The following CDH26 variants were observed in gnomAD, a reference collection of about 807,000 sequenced individuals.
CDH26 encodes cadherin-like protein 26.
A neutral mutation model predicts 90.3 loss-of-function variants in CDH26; 83 were observed. The observed-to-expected ratio is 0.92, with a 90% confidence interval of 0.77 to 1.10. The LOEUF is 1.10. Ranked by LOEUF, CDH26 falls within the 50% of genes least tolerant of loss-of-function variation. The pLI, the probability that CDH26 is intolerant of heterozygous loss-of-function variation, is 0.00. For synonymous variants in CDH26, 397 were observed against 396.3 expected, an observed-to-expected ratio of 1.00 and a Z score of -0.02; for missense variants, 1,013 against 1,037.6, an observed-to-expected ratio of 0.98 and a Z score of 0.33.
At chr20:59,985,203 C>T in intron 7 of CDH26, 74 bp downstream of exon 7, 2 of 1,563,346 alleles carry the variant, frequency 1.3e-6, no homozygotes, top group African/African-American at 1.4e-5. Context: ...CAGTTTTTCT[C>T]AGAGAGGGTG....
chr20:59,981,356 G>A (rs2061393219), intron 4 of CDH26, among the ~76,000 whole-genome samples: 1 of 152,144 alleles, frequency 6.6e-6, no homozygotes, highest in Admixed American at 6.5e-5. Flanking sequence ...GAGTCTTTCA[G>A]TCTGTAAACA....
intron 1 of CDH26, among the ~76,000 whole-genome samples, chr20:59,959,483 C>A (rs1317436405): frequency 6.6e-6 from 1 of 151,776 alleles, no homozygotes; most frequent in Non-Finnish European, 1.5e-5. Context: ...TGCACCGCAA[C>A]CTCCTCCTAC....
At chr20:59,994,118 G>A in intron 10 of CDH26, 132 bp from the exon 11 acceptor site, 1 of 1,176,528 alleles carries the variant, frequency 8.5e-7, no homozygotes, top group Non-Finnish European at 1.2e-6. Context: ...TGCCAGGAGA[G>A]CTTATGACGT....
At chr20:60,004,820 C>T (rs2061725143) in intron 16 of CDH26, among the ~76,000 whole-genome samples, 1 of 142,564 alleles carries the variant, frequency 7.0e-6, no homozygotes, top group Non-Finnish European at 1.5e-5. Flanking sequence ...AGAAAAGGTA[C>T]AGTAAAAATA....
At chr20:59,972,468 A>T (rs960114384) in intron 4 of CDH26, among the ~76,000 whole-genome samples, 3 of 152,192 alleles carry the variant, frequency 2.0e-5, no homozygotes, top group Non-Finnish European at 2.9e-5. Flanking sequence ...CTTCTGAAAT[A>T]TGGAGACAAG....
intron 4 of CDH26, among the ~76,000 whole-genome samples, chr20:59,973,814 T>C (rs188470085): frequency 1.5e-3 from 229 of 152,372 alleles, no homozygotes; most frequent in African/African-American, 5.4e-3. Context: ...TTTAGGTTGA[T>C]TTCATGTCTT....
intron 17 of CDH26, among the ~76,000 whole-genome samples, chr20:60,009,210 G>A (rs1373432734): frequency 1.3e-5 from 2 of 152,178 alleles, no homozygotes; most frequent in African/African-American, 4.8e-5. Flanking sequence ...AGCCAGAAAT[G>A]GGGCACAGAG....
rs73916223 is a variant in CDH26 at position 59,996,551 on chromosome 20, A to G, written c.1889-80A>G. 1,788 of 1,614,218 alleles carry G rather than the reference A, an allele frequency of 1.1e-3. 19 individuals are homozygous for G. The African/African-American group carries it at 0.019, about 17-fold the overall frequency. On this transcript the variant is annotated intron_variant, in intron 12 of 17. Coordinates refer to ENST00000348616, the MANE Select transcript of CDH26 (RefSeq NM_177980.4). ...TTGCCAGTTCATGACTGAGTTATAC[A>G]TGAACAGAACAAGATCCTCATGAAA...
intron 16 of CDH26, among the ~76,000 whole-genome samples, chr20:60,004,869 G>A (rs908806612): frequency 6.6e-6 from 1 of 151,160 alleles, no homozygotes; most frequent in South Asian, 2.1e-4. Context: ...TATATATACG[G>A]CCTGTCATTG....
chr20:59,985,507 A>G (rs1349385993), intron 7 of CDH26, among the ~76,000 whole-genome samples: 1 of 152,014 alleles, frequency 6.6e-6, no homozygotes, highest in Admixed American at 6.6e-5. Context: ...TCTCATGTGA[A>G]CTCAGGGCCA....
chr20:60,001,486 C>T (rs976675316), intron 15 of CDH26, 75 bp downstream of exon 15: 210 of 1,559,158 alleles, frequency 1.3e-4, no homozygotes, highest in Admixed American at 1.7e-4. Context: ...GAGAGAGGGC[C>T]GTTGTAGAAG....
intron 8 of CDH26, 39 bp downstream of exon 8, chr20:59,987,677 A>G: frequency 6.5e-7 from 1 of 1,537,906 alleles, no homozygotes; most frequent in Non-Finnish European, 8.8e-7. Context: ...AGTTAGTGGC[A>G]GACGCTGAGG....
chr20:59,991,207 A>G (rs1488494609), intron 9 of CDH26, among the ~76,000 whole-genome samples: 1 of 152,232 alleles, frequency 6.6e-6, no homozygotes, highest in Non-Finnish European at 1.5e-5. Context: ...CACCACCAAC[A>G]GGAGCCTTTC....
Position 59,984,703 on chromosome 20 carries a change from C to T in CDH26, c.606C>T (p.Val202=). The change falls in exon 6 of 18, where the codon GTC becomes GTT. Residue 202 remains valine, a synonymous_variant. Transcript: ENST00000348616. The part of the protein sequence containing the change: ...LDEENTPNSQ[V]LYFLISQTPL... ...AAGAAAACACTCCAAATTCTCAAGT[C>T]CTTTACTTCCTCATTTCTCAAACAC... The T allele has an allele frequency of 6.2e-7, 1 of 1,613,862 alleles. No individual in the cohort carries two copies. Among genetic ancestry groups the T allele is most frequent in the Non-Finnish European group, 8.5e-7 (1 of 1,179,854 alleles).
intron 1 of CDH26, among the ~76,000 whole-genome samples, chr20:59,966,201 GTTGT>G (rs2061146296): frequency 1.5e-5 from 2 of 136,654 alleles, no homozygotes; most frequent in African/African-American, 2.9e-5. Context: ...CAGTTTCTTG[GTTGT>G]TCTTTCAAGT....
intron 1 of CDH26, among the ~76,000 whole-genome samples, chr20:59,966,269 A>T (rs1309273469): frequency 6.8e-6 from 1 of 146,762 alleles, no homozygotes; most frequent in East Asian, 2.0e-4. Flanking sequence ...TGGCCTGTTC[A>T]GCTGGAAACT....
chr20:59,988,875 C>T (rs2061489892), intron 8 of CDH26, 29 bp from the exon 9 acceptor site: 1 of 1,607,986 alleles, frequency 6.2e-7, no homozygotes. Context: ...GCAGCAGGTG[C>T]TAATGAAATC....
chr20:59,989,208 G>T, intron 9 of CDH26, 45 bp downstream of exon 9: 1 of 1,606,390 alleles, frequency 6.2e-7, no homozygotes, highest in African/African-American at 1.3e-5. Flanking sequence ...AGTGGAAATA[G>T]CCACATAACC....
intron 5 of CDH26, among the ~76,000 whole-genome samples, 169 bp downstream of exon 5, chr20:59,983,239 C>T (rs879532153): frequency 1.3e-5 from 2 of 152,088 alleles, no homozygotes; most frequent in Non-Finnish European, 2.9e-5. Flanking sequence ...GGTCCGTAAG[C>T]CTCATTTTGT....
Sources: gnomAD v4.1 joint callset for allele counts (sites outside exome capture counted in the v4.1 genomes callset) on GRCh38, gnomAD v4.1.1 for gene constraint, MANE v1.5 for transcripts, NCBI Gene and HGNC (gene_info 2026-07-23, HGNC 2026-07-21) for gene names.